GRIN2A: variants seen among roughly 807,000 people sequenced by gnomAD.
GRIN2A encodes the protein glutamate receptor ionotropic, NMDA 2A.
GRIN2A carries 22 observed loss-of-function variants against 113.4 expected under a neutral mutation model. That is an observed-to-expected ratio of 0.19 (90% CI 0.14 to 0.28). The LOEUF (loss-of-function observed/expected upper bound fraction) is 0.28, where lower values mean the gene tolerates loss of function less well. Among genes scored for constraint, GRIN2A ranks in the 10% least tolerant of loss-of-function variants. GRIN2A has a pLI of 1.00. For synonymous variants in GRIN2A, 827 were observed against 738.4 expected (o/e 1.12, Z -1.94); for missense variants, 1,502 against 1,887.0 (o/e 0.80, Z 3.78).
intron 2 of GRIN2A, among the ~76,000 whole-genome samples, chr16:9,975,170 A>C (rs2045750850): frequency 6.6e-6 from 1 of 152,204 alleles, no homozygotes; most frequent in Non-Finnish European, 1.5e-5. Flanking sequence ...AGTTAAAACA[A>C]AGTGTGTAAA....
At chr16:9,955,827 A>T (rs577759896) in intron 2 of GRIN2A, among the ~76,000 whole-genome samples, 2 of 152,280 alleles carry the variant, frequency 1.3e-5, no homozygotes, top group African/African-American at 4.8e-5. Context: ...GTCACACAGC[A>T]TCGAGTAAGT....
chr16:9,769,844 CTT>C (rs1901155597), intron 11 of GRIN2A, among the ~76,000 whole-genome samples: 1 of 152,144 alleles, frequency 6.6e-6, no homozygotes, highest in African/African-American at 2.4e-5. Flanking sequence ...ATGTGTGTTT[CTT>C]TTTCTCTCTC....
intron 2 of GRIN2A, chr16:10,179,703 C>T (rs548887227): frequency 3.3e-5 from 16 of 487,172 alleles, no homozygotes; most frequent in African/African-American, 2.5e-4. Context: ...ATGCCACCAC[C>T]GCCACCACCA....
rs562204750 is a variant in GRIN2A at position 9,770,093 on chromosome 16, C to A, written c.2357-1004G>T. ...TGTCCCTCTTTTATGTGCATTTTAT[C>A]CTGTTGCCATTTAGGAGAAAATTCT... is the stretch of plus-strand genomic sequence containing the variant. On this transcript the variant is annotated intron_variant, in intron 11 of 12. Coordinates refer to ENST00000330684, the MANE Select transcript of GRIN2A (RefSeq NM_001134407.3). Among the ~76,000 whole-genome samples the A allele has an allele frequency of 2.0e-5, 3 of 152,268 alleles. No homozygotes were observed. The East Asian group carries it at 5.8e-4, about 29-fold the overall frequency.
At chr16:10,162,953 C>G (rs769801354) in intron 2 of GRIN2A, among the ~76,000 whole-genome samples, 1 of 152,156 alleles carries the variant, frequency 6.6e-6, no homozygotes, top group Non-Finnish European at 1.5e-5. Flanking sequence ...CATGATCCCA[C>G]GAAGGCACAT....
chr16:10,064,692 C>T (rs562496221), intron 2 of GRIN2A, among the ~76,000 whole-genome samples: 2 of 152,348 alleles, frequency 1.3e-5, no homozygotes, highest in South Asian at 4.1e-4. Context: ...CTGCTACTAA[C>T]AACCCCAGGT....
chr16:9,789,584 AC>A (rs1567298567), intron 11 of GRIN2A, among the ~76,000 whole-genome samples: 20 of 151,758 alleles, frequency 1.3e-4, no homozygotes, highest in African/African-American at 4.8e-4. Context: ...ACACACACAC[AC>A]ACACAAACAC....
At chr16:9,975,538 C>A (rs1001649608) in intron 2 of GRIN2A, among the ~76,000 whole-genome samples, 2 of 152,186 alleles carry the variant, frequency 1.3e-5, no homozygotes, top group African/African-American at 4.8e-5. Flanking sequence ...TAAATGGGAA[C>A]CTCAGTTCCA....
intron 2 of GRIN2A, among the ~76,000 whole-genome samples, chr16:10,036,041 T>C (rs2047019287): frequency 6.6e-6 from 1 of 152,170 alleles, no homozygotes; most frequent in Non-Finnish European, 1.5e-5. Context: ...TGGATTTCTA[T>C]GGAATTTAAT....
chr16:9,890,853 A>T, intron 4 of GRIN2A, 133 bp downstream of exon 4: 1 of 689,754 alleles, frequency 1.4e-6, no homozygotes, highest in East Asian at 2.6e-5. Context: ...TGCAAGAAAG[A>T]CGTGCTCTTG....
chr16:9,850,016 A>C, intron 4 of GRIN2A, 55 bp from the exon 5 acceptor site: 1 of 1,473,770 alleles, frequency 6.8e-7, no homozygotes. Context: ...TGATTTCTGG[A>C]GAGGCAAATC....
intron 3 of GRIN2A, among the ~76,000 whole-genome samples, chr16:9,897,481 G>A (rs1398709658): frequency 6.6e-6 from 1 of 152,058 alleles, no homozygotes; most frequent in Non-Finnish European, 1.5e-5. Flanking sequence ...ACGTTAGATA[G>A]CCAGCCACCA....
chr16:9,878,951 A>G (rs2043425422), intron 4 of GRIN2A, among the ~76,000 whole-genome samples: 1 of 152,162 alleles, frequency 6.6e-6, no homozygotes, highest in Admixed American at 6.5e-5. Context: ...TTAATTTGCT[A>G]GAGATCTACT....
In GRIN2A at chr16:10,019,969, G is replaced by A. The variant is rs868071676; in HGVS notation, c.415-81418C>T. 1.6e-4 allele frequency among the ~76,000 whole-genome samples: 25 copies of A among 152,180 alleles called. 1 individual carries two copies. The highest frequency in any genetic ancestry group is 6.2e-4 in the South Asian group (3 of 4,828). On this transcript the variant is annotated intron_variant, in intron 2 of 12. Coordinates refer to ENST00000330684, the MANE Select transcript of GRIN2A (RefSeq NM_001134407.3). ...ACACCCAAAATGGTAACCAACAGTC[G>A]TGAAAGATGTGTTAATTAATTCGAT...
chr16:9,975,953 A>G (rs978616866), intron 2 of GRIN2A, among the ~76,000 whole-genome samples: 4 of 152,346 alleles, frequency 2.6e-5, no homozygotes, highest in Middle Eastern at 6.8e-3. Context: ...TTCATCAGAA[A>G]GATATAATAA....
intron 3 of GRIN2A, among the ~76,000 whole-genome samples, chr16:9,915,915 T>C (rs542238988): frequency 6.6e-6 from 1 of 152,336 alleles, no homozygotes; most frequent in East Asian, 1.9e-4. Context: ...TCTAGGCACT[T>C]GATAAATGCT....
Position 10,129,348 on chromosome 16 carries a change from A to G in GRIN2A, c.414+50650T>C, listed in dbSNP as rs1184098212. Among the ~76,000 whole-genome samples, 3 of 145,856 alleles carry G rather than the reference A, an allele frequency of 2.1e-5. No individual in the cohort carries two copies. In the East Asian group the frequency reaches 6.1e-4, roughly 30 times the overall value. The stretch of plus-strand genomic sequence containing the variant: ...TAATGTCCCTGCTTTCAAAGGACAC[A>G]TGCTTTAATGGGAGGAGTTTGATTA... On this transcript the variant is annotated intron_variant, in intron 2 of 12. Transcript: ENST00000330684.
At chr16:10,066,570 C>T (rs949732207) in intron 2 of GRIN2A, among the ~76,000 whole-genome samples, 1 of 152,168 alleles carries the variant, frequency 6.6e-6, no homozygotes, top group Admixed American at 6.5e-5. Flanking sequence ...CACTCACAAT[C>T]ACTTATTCTG....
chr16:10,079,221 T>G (rs983200048), intron 2 of GRIN2A, among the ~76,000 whole-genome samples: 1 of 151,942 alleles, frequency 6.6e-6, no homozygotes. Context: ...ATATGGATAA[T>G]AACAACCAAA....
Sources: allele counts gnomAD v4.1 joint callset (sites outside exome capture counted in the v4.1 genomes callset), GRCh38; gene constraint gnomAD v4.1.1; transcripts MANE v1.5; gene names NCBI Gene and HGNC (gene_info 2026-07-23, HGNC 2026-07-21).